The following SLC36A4 variants were observed in gnomAD, a reference collection of about 807,000 sequenced individuals.
SLC36A4 encodes the protein solute carrier family 36 member 4, also known as neutral amino acid uniporter 4.
In SLC36A4, 49 loss-of-function variants were observed where a neutral mutation model predicts 50.5. That is an observed-to-expected ratio of 0.97 (90% CI 0.77 to 1.23). The LOEUF is 1.23. Ranked by LOEUF, SLC36A4 falls within the 50% of genes most tolerant of loss-of-function variation. The pLI is 0.00. For missense variants in SLC36A4, 611 were observed against 608.4 expected (o/e 1.00, Z -0.05); for synonymous variants, 207 against 206.5 (o/e 1.00, Z -0.02).
chr11:93,175,995 G>T (rs1174732297), intron 6 of SLC36A4, among the ~76,000 whole-genome samples: 8 of 129,806 alleles, frequency 6.2e-5, no homozygotes, highest in Non-Finnish European at 9.6e-5. Flanking sequence ...TCAATTCCTG[G>T]GTATCCTTGT....
Position 93,154,283 on chromosome 11 carries a change from G to C in SLC36A4, c.1038-6C>G. ...TTTTCACTGATTGATATAACCTGTT[G>C]AAAAAAATTTTCAAAATTTAGTCAT... On this transcript the variant is annotated splice_region_variant and splice_polypyrimidine_tract_variant and intron_variant, in intron 9 of 10. Transcript: ENST00000326402. 7.4e-7 allele frequency: 1 copy of C among 1,343,726 alleles called. No homozygotes were observed. The highest frequency in any genetic ancestry group is 9.7e-7 in the Non-Finnish European group (1 of 1,031,458). 83.2% of individuals were successfully genotyped at this position (1,343,726 alleles called of 1,614,324 possible).
At chr11:93,153,978 TA>T (rs1164654787) in intron 10 of SLC36A4, 129 bp downstream of exon 10, 18 of 473,590 alleles carry the variant, frequency 3.8e-5, no homozygotes, top group Non-Finnish European at 5.4e-5. Flanking sequence ...GCTGGGTGAA[TA>T]AAATTGTTTT....
At position 93,146,370 on chromosome 11, in the gene SLC36A4, A is replaced by T. The variant is rs1445024761; in HGVS notation, c.*2167T>A. On this transcript the variant is annotated 3_prime_UTR_variant, in exon 11 of 11. Transcript: ENST00000326402. The stretch of plus-strand genomic sequence containing the variant: ...TATCAAGCTATAAAGTTTTTTAAAC[A>T]TCTAATTCAAGATTATATAATACTA... The T allele has an allele frequency of 6.6e-6, 1 of 152,036 alleles. No homozygotes were observed. Among genetic ancestry groups the T allele is most frequent in the Non-Finnish European group, 1.5e-5 (1 of 67,962 alleles). The allele number at this position is 152,036 out of a possible 1,614,324, so 9.4% of individuals were successfully genotyped here. A position where few individuals can be genotyped will look rare whatever the true frequency, so the allele number is the denominator to read the frequency against.
intron 1 of SLC36A4, among the ~76,000 whole-genome samples, chr11:93,191,450 A>C (rs563109985): frequency 2.8e-4 from 42 of 152,330 alleles, no homozygotes; most frequent in Non-Finnish European, 4.4e-4. Flanking sequence ...TTTTCTAATC[A>C]GTGTTGTCGA....
At chr11:93,194,907 A>G (rs751145404) in intron 1 of SLC36A4, among the ~76,000 whole-genome samples, 14 of 152,138 alleles carry the variant, frequency 9.2e-5, no homozygotes, top group Non-Finnish European at 1.8e-4. Context: ...ACATGCCCCA[A>G]ACTGAACTGG....
intron 1 of SLC36A4, among the ~76,000 whole-genome samples, chr11:93,186,567 G>T (rs942249122): frequency 1.3e-5 from 2 of 151,874 alleles, no homozygotes; most frequent in Non-Finnish European, 2.9e-5. Flanking sequence ...GGTACTCTCT[G>T]ACTTCTACCT....
At position 93,180,694 on chromosome 11, in the gene SLC36A4, G is replaced by C. The variant is rs1861695140; in HGVS notation, c.540+103C>G. ...TATAAAGGAAGATCATTTATGAAAG[G>C]AACACATTTTCAAATTCAACTGTGG... On this transcript the variant is annotated intron_variant, in intron 6 of 10. Coordinates refer to ENST00000326402, the MANE Select transcript of SLC36A4 (RefSeq NM_152313.4). The C allele has an allele frequency of 1.3e-5, 10 of 797,306 alleles. No individual in the cohort carries two copies. In the South Asian group the frequency reaches 1.6e-4, roughly 13 times the overall value. 49.4% of individuals were successfully genotyped at this position (797,306 alleles called of 1,614,324 possible). A position where few individuals can be genotyped will look rare whatever the true frequency, so the allele number is the denominator to read the frequency against.
chr11:93,163,709 C>A (rs1024164897), intron 8 of SLC36A4, among the ~76,000 whole-genome samples: 1 of 152,202 alleles, frequency 6.6e-6, no homozygotes, highest in African/African-American at 2.4e-5. Context: ...AAATCCAGCT[C>A]CTTCTCTGGG....
intron 3 of SLC36A4, 39 bp downstream of exon 3, chr11:93,184,391 A>T (rs1226809157): frequency 1.6e-6 from 2 of 1,239,370 alleles, no homozygotes; most frequent in South Asian, 1.2e-5. Context: ...TGAGACTGAG[A>T]ACTGCATCTT....
intron 4 of SLC36A4, chr11:93,182,213 G>A (rs1424075836): frequency 2.3e-6 from 1 of 436,608 alleles, no homozygotes; most frequent in Admixed American, 6.4e-5. Flanking sequence ...ATCTTCCCAT[G>A]AGGTAGGTAT....
At chr11:93,155,021 G>A (rs549097626) in intron 9 of SLC36A4, 21 of 152,116 alleles carry the variant, frequency 1.4e-4, no homozygotes, top group African/African-American at 5.1e-4. Context: ...TCTTGATAAA[G>A]ACTTCAGTAA....
intron 4 of SLC36A4, chr11:93,182,262 T>C (rs1861770338): frequency 1.1e-6 from 1 of 879,464 alleles, no homozygotes; most frequent in Non-Finnish European, 1.4e-6. Context: ...CAAGTATACA[T>C]TGTTCTATAA....
chr11:93,164,576 T>C (rs971258875), intron 8 of SLC36A4, among the ~76,000 whole-genome samples: 3 of 152,194 alleles, frequency 2.0e-5, no homozygotes, highest in East Asian at 1.9e-4. Context: ...TATGGAAACA[T>C]GAACTGTTAA....
chr11:93,194,494 A>C (rs1304658760), intron 1 of SLC36A4, among the ~76,000 whole-genome samples: 1 of 152,214 alleles, frequency 6.6e-6, no homozygotes, highest in Non-Finnish European at 1.5e-5. Context: ...TAAAGTGCAG[A>C]CCTTAAGCTA....
intron 6 of SLC36A4, among the ~76,000 whole-genome samples, chr11:93,175,313 T>C (rs1025702460): frequency 6.6e-5 from 10 of 151,856 alleles, no homozygotes; most frequent in African/African-American, 2.4e-4. Flanking sequence ...TCATTTTTTA[T>C]TGCGTCTATT....
intron 10 of SLC36A4, among the ~76,000 whole-genome samples, chr11:93,150,934 C>T (rs1463793033): frequency 6.6e-6 from 1 of 151,980 alleles, no homozygotes; most frequent in Non-Finnish European, 1.5e-5. Flanking sequence ...CAAGCTGTCA[C>T]TAGTAAATCA....
chr11:93,156,558 T>C (rs759001393), intron 9 of SLC36A4, among the ~76,000 whole-genome samples: 15 of 152,054 alleles, frequency 9.9e-5, no homozygotes, highest in Non-Finnish European at 1.6e-4. Context: ...TAGCTGGGAC[T>C]ACAGGCGCCT....
In SLC36A4 at chr11:93,162,884, A is replaced by C; in HGVS notation, c.868-9T>G. On this transcript the variant is annotated splice_polypyrimidine_tract_variant and intron_variant, in intron 8 of 10. Transcript: ENST00000326402. The stretch of plus-strand genomic sequence containing the variant: ...TTTTCCAGTGGAAGGACCTAAGAAA[A>C]GAATACAATACTTTTTTTTAAGGGA... 6.2e-7 allele frequency: 1 copy of C among 1,608,246 alleles called. No individual in the cohort carries two copies. The highest frequency in any genetic ancestry group is 8.5e-7 in the Non-Finnish European group (1 of 1,177,768).
At chr11:93,189,041 C>G (rs1397435037) in intron 1 of SLC36A4, among the ~76,000 whole-genome samples, 1 of 151,802 alleles carries the variant, frequency 6.6e-6, no homozygotes, top group East Asian at 1.9e-4. Context: ...ATTAGGGACC[C>G]TCCCTACTCC....
Sources: gnomAD v4.1 joint callset for allele counts (sites outside exome capture counted in the v4.1 genomes callset) on GRCh38, gnomAD v4.1.1 for gene constraint, MANE v1.5 for transcripts, NCBI Gene and HGNC (gene_info 2026-07-23, HGNC 2026-07-21) for gene names.